Variants in PALB2 observed in about 807,000 individuals in gnomAD.
PALB2 encodes mutant partner and localizer of BRCA2.
A neutral mutation model predicts 107.4 loss-of-function variants in PALB2; 82 were observed. The ratio of observed to expected loss-of-function variants is 0.76; its 90% CI spans 0.64 to 0.92. PALB2 has a LOEUF of 0.92. Among genes scored for constraint, PALB2 ranks in the 40% least tolerant of loss-of-function variants. PALB2 has a pLI of 0.00. For synonymous variants in PALB2, 489 were observed against 496.8 expected (o/e 0.98, Z 0.21); for missense variants, 1,374 against 1,379.9 (o/e 1.00, Z 0.07).
At chr16:23,617,013 C>T (rs949664902) in intron 10 of PALB2, among the ~76,000 whole-genome samples, 1 of 151,990 alleles carries the variant, frequency 6.6e-6, no homozygotes, top group East Asian at 1.9e-4. Context: ...GGGGTTTTAC[C>T]GTGTTAGCCA....
At chr16:23,632,228 G>C (rs952293240) in intron 4 of PALB2, among the ~76,000 whole-genome samples, 1 of 152,168 alleles carries the variant, frequency 6.6e-6, no homozygotes, top group Non-Finnish European at 1.5e-5. Context: ...TGGATCACTT[G>C]AGGTCAGGAG....
intron 8 of PALB2, 69 bp from the exon 9 acceptor site, chr16:23,623,199 A>AT: frequency 2.7e-6 from 3 of 1,109,606 alleles, no homozygotes; most frequent in African/African-American, 1.8e-5. Context: ...GACTAGGTTC[A>AT]CTTTTTTTTT....
In PALB2 at chr16:23,607,914, A is replaced by C. The variant is rs45516100; in HGVS notation, c.3300T>G (p.Thr1100=). ...AGTACAGCATCACACCCACGCTGAG[A>C]GTCGTCTTAGGGTTAATCACAATGA... The part of the protein sequence containing the change: ...FQLIVINPKT[T]LSVGVMLYCL... The change falls in exon 12 of 13, where the codon ACT becomes ACG. Residue 1100 remains threonine, a synonymous_variant. Transcript: ENST00000261584. The C allele has an allele frequency of 0.028, 44,720 of 1,614,080 alleles. 732 individuals carry two copies. The highest frequency in any genetic ancestry group is 0.062 in the Middle Eastern group (378 of 6,060).
rs863224783 is a variant in PALB2 at position 23,621,372 on chromosome 16, T to A, written c.3103A>T (p.Ile1035Phe). Residue 1035 changes from isoleucine to phenylalanine, a missense_variant, in exon 10 of 13, where the codon ATT (isoleucine) becomes TTT (phenylalanine). Ile to Phe is a conservative substitution (Grantham distance 21, BLOSUM62 0). Coordinates refer to ENST00000261584, the MANE Select transcript of PALB2 (RefSeq NM_024675.4). The stretch of plus-strand genomic sequence containing the variant: ...AGAGGGAAAGCTTACCAAATAACAA[T>A]GTTGTTCATAATAGTAGTACCAAGC... ...ALLGTTIMNN[I>F]VIWNLKTGQL... 1 of 1,608,772 alleles carries A rather than the reference T, an allele frequency of 6.2e-7. No individual in the cohort carries two copies. The highest frequency in any genetic ancestry group is 1.3e-5 in the African/African-American group (1 of 74,790).
chr16:23,635,646 T>C lies in PALB2; in HGVS notation c.900A>G (p.Thr300=), dbSNP rs771660444. The change falls in exon 4 of 13, where the codon ACA becomes ACG. Residue 300 remains threonine (T), a synonymous_variant. Coordinates refer to ENST00000261584, the MANE Select transcript of PALB2 (RefSeq NM_024675.4). The part of the protein sequence containing the change: ...EAQGKKMTVS[T]DNLLVNKAIS... Reference sequence around the variant, plus strand: ...TAGCTTTATTTACAAGGAGGTTATCTGTAGAGACAGTCATTTTTTTGCCTT... The same window carrying C: ...TAGCTTTATTTACAAGGAGGTTATCCGTAGAGACAGTCATTTTTTTGCCTT... The C allele has an allele frequency of 5.0e-6, 8 of 1,614,038 alleles. No homozygotes were observed. The highest frequency in any genetic ancestry group is 2.7e-5 in the African/African-American group (2 of 74,940).
chr16:23,625,270 T>C (rs527932425), intron 7 of PALB2, among the ~76,000 whole-genome samples: 3 of 151,722 alleles, frequency 2.0e-5, no homozygotes, highest in Non-Finnish European at 1.5e-5. Context: ...GAAGCGGAGA[T>C]TGCAGTAAGC....
intron 1 of PALB2, chr16:23,640,397 G>C (rs1245426684): frequency 2.5e-5 from 5 of 201,638 alleles, no homozygotes; most frequent in Non-Finnish European, 5.1e-5. Context: ...CCAGCTACTC[G>C]GGAGGCTGAG....
intron 11 of PALB2, among the ~76,000 whole-genome samples, chr16:23,610,349 G>T (rs1234448506): frequency 7.5e-6 from 1 of 133,792 alleles, no homozygotes; most frequent in South Asian, 2.3e-4. Flanking sequence ...TTGCTTTTTC[G>T]CCAGGCTGGA....
rs146444298 is a variant in PALB2, at chr16:23,603,647, C to A, written c.3373G>T (p.Asp1125Tyr). Reference protein sequence around the residue: ...AGRFLEGDVKDHCAAAILTSG... With the variant: ...AGRFLEGDVKYHCAAAILTSG... ...GTCAAGATTGCTGCTGCACAGTGATCTTTCACGTCACCTTCCAGGAACCTG... is the reference window on the plus strand; with the variant it reads ...GTCAAGATTGCTGCTGCACAGTGATATTTCACGTCACCTTCCAGGAACCTG... The change falls in exon 13 of 13, where the codon GAT becomes TAT. Residue 1125 changes from aspartate to tyrosine, a missense_variant. Coordinates refer to ENST00000261584, the MANE Select transcript of PALB2 (RefSeq NM_024675.4). 1.9e-6 allele frequency: 3 copies of A among 1,613,602 alleles called. No homozygotes were observed. Among genetic ancestry groups the A allele is most frequent in the Admixed American group, 1.7e-5 (1 of 59,902 alleles).
At chr16:23,633,991 G>A (rs1377138991) in intron 4 of PALB2, among the ~76,000 whole-genome samples, 1 of 152,062 alleles carries the variant, frequency 6.6e-6, no homozygotes, top group Non-Finnish European at 1.5e-5. Flanking sequence ...TTACAGGGGT[G>A]AGCCACCAAG....
chr16:23,621,512 T>A, intron 9 of PALB2, 34 bp from the exon 10 acceptor site: 1 of 1,365,090 alleles, frequency 7.3e-7, no homozygotes, highest in Non-Finnish European at 1.0e-6. Context: ...GTCAGTACTT[T>A]GCACTAAAGC....
At chr16:23,605,069 G>T (rs550133739) in intron 12 of PALB2, among the ~76,000 whole-genome samples, 1 of 151,548 alleles carries the variant, frequency 6.6e-6, no homozygotes, top group African/African-American at 2.4e-5. Flanking sequence ...GAGAAACTCC[G>T]TCTCAAAAAA....
At chr16:23,612,787 C>G (rs1184652632) in intron 11 of PALB2, among the ~76,000 whole-genome samples, 1 of 151,744 alleles carries the variant, frequency 6.6e-6, no homozygotes, top group Non-Finnish European at 1.5e-5. Flanking sequence ...GAGTCTCGCT[C>G]TGTCGCCCAG....
At chr16:23,632,166 G>A (rs1966884075) in intron 4 of PALB2, among the ~76,000 whole-genome samples, 1 of 152,218 alleles carries the variant, frequency 6.6e-6, no homozygotes, top group Non-Finnish European at 1.5e-5. Flanking sequence ...TAAGTGGCCA[G>A]GCTCAGTGGC....
chr16:23,640,992 G>A (rs984207277), intron 1 of PALB2, 118 bp downstream of exon 1: 1 of 1,132,498 alleles, frequency 8.8e-7, no homozygotes, highest in South Asian at 1.4e-5. Context: ...AGCCCTAAGA[G>A]GAGGGGGTGG....
Position 23,641,298 on chromosome 16 carries a change from G to T in PALB2, c.-141C>A. The T allele has an allele frequency of 8.4e-7, 1 of 1,186,224 alleles. No individual in the cohort carries two copies. Among genetic ancestry groups the T allele is most frequent in the Non-Finnish European group, 1.2e-6 (1 of 832,620 alleles). The allele number at this position is 1,186,224 out of a possible 1,614,324, so 73.5% of individuals were successfully genotyped here. ...TCGCACCCTCAGTGCGCGATCAGCTGACCCACGCGGGCCAAGCGCGCCCTA... is the reference window on the plus strand; with the variant it reads ...TCGCACCCTCAGTGCGCGATCAGCTTACCCACGCGGGCCAAGCGCGCCCTA... On this transcript the variant is annotated 5_prime_UTR_variant, in exon 1 of 13. Coordinates refer to ENST00000261584, the MANE Select transcript of PALB2 (RefSeq NM_024675.4).
chr16:23,632,583 G>C (rs893028658), intron 4 of PALB2, among the ~76,000 whole-genome samples: 1 of 152,174 alleles, frequency 6.6e-6, no homozygotes, highest in African/African-American at 2.4e-5. Flanking sequence ...GATGAAGTAG[G>C]GGGTCAGGGG....
intron 1 of PALB2, 97 bp downstream of exon 1, chr16:23,641,013 C>G (rs1030913986): frequency 4.3e-6 from 6 of 1,400,464 alleles, no homozygotes; most frequent in Non-Finnish European, 5.9e-6. Context: ...TCAGATGATA[C>G]TGCTGCCCTC....
chr16:23,619,169 T>C (rs73548394), intron 10 of PALB2, among the ~76,000 whole-genome samples: 2,358 of 152,270 alleles, frequency 0.015, 62 homozygotes, highest in African/African-American at 0.055. Flanking sequence ...AAACAGTTAA[T>C]AGACAAGGCT....
Sources: gnomAD v4.1 joint callset for allele counts (sites outside exome capture counted in the v4.1 genomes callset) on GRCh38, gnomAD v4.1.1 for gene constraint, MANE v1.5 for transcripts, NCBI Gene and HGNC (gene_info 2026-07-23, HGNC 2026-07-21) for gene names.